The following THEMIS variants were observed in gnomAD, a reference collection of about 807,000 sequenced individuals.
THEMIS encodes protein THEMIS.
A neutral mutation model predicts 52.6 loss-of-function variants in THEMIS; 37 were observed. The ratio of observed to expected loss-of-function variants is 0.70; its 90% CI spans 0.54 to 0.93. The LOEUF is 0.93. Ranked by LOEUF, THEMIS falls within the 40% of genes least tolerant of loss-of-function variation. The pLI, the probability that THEMIS is intolerant of heterozygous loss-of-function variation, is 0.00. For synonymous variants in THEMIS, 292 were observed against 272.7 expected (o/e 1.07, Z -0.70); for missense variants, 808 against 763.1 (o/e 1.06, Z -0.69).
At chr6:127,912,568 T>C (rs1250734291) in intron 1 of THEMIS, among the ~76,000 whole-genome samples, 2 of 152,180 alleles carry the variant, frequency 1.3e-5, no homozygotes, top group Non-Finnish European at 2.9e-5. Context: ...AGTTACCTTG[T>C]TATTTCCAAG....
intron 4 of THEMIS, among the ~76,000 whole-genome samples, chr6:127,740,891 T>A (rs1177345014): frequency 1.3e-5 from 2 of 152,148 alleles, no homozygotes; most frequent in Admixed American, 1.3e-4. Flanking sequence ...GCTCTAAAAT[T>A]CAAAAAGCTT....
chr6:127,838,680 T>C (rs950849419), intron 2 of THEMIS, among the ~76,000 whole-genome samples: 3 of 152,130 alleles, frequency 2.0e-5, no homozygotes, highest in Non-Finnish European at 4.4e-5. Flanking sequence ...TGCTATGGTA[T>C]AATGTTGATG....
At chr6:127,728,791 T>A (rs1216449157) in intron 4 of THEMIS, among the ~76,000 whole-genome samples, 3 of 151,894 alleles carry the variant, frequency 2.0e-5, no homozygotes, top group Non-Finnish European at 2.9e-5. Flanking sequence ...TAGAATGAGT[T>A]CAATGGAAAA....
intron 4 of THEMIS, among the ~76,000 whole-genome samples, chr6:127,776,870 G>T (rs1776583598): frequency 6.6e-6 from 1 of 152,012 alleles, no homozygotes; most frequent in African/African-American, 2.4e-5. Context: ...ACACATATAA[G>T]AAATGTGATA....
chr6:127,705,114 T>C (rs1773782540), downstream of THEMIS, among the ~76,000 whole-genome samples: 1 of 152,184 alleles, frequency 6.6e-6, no homozygotes, highest in Non-Finnish European at 1.5e-5. Context: ...ACTTAGCTGG[T>C]TAGTCAAATA....
chr6:127,860,371 T>A (rs1779755750), intron 1 of THEMIS, among the ~76,000 whole-genome samples: 1 of 152,098 alleles, frequency 6.6e-6, no homozygotes, highest in Non-Finnish European at 1.5e-5. Context: ...TAGGAAATGA[T>A]CTTTCCAGGC....
At chr6:127,770,824 A>G (rs906402182) in intron 4 of THEMIS, among the ~76,000 whole-genome samples, 1 of 152,192 alleles carries the variant, frequency 6.6e-6, no homozygotes, top group Non-Finnish European at 1.5e-5. Flanking sequence ...ATCCAGTTTC[A>G]GCTTTCTCCA....
intron 2 of THEMIS, among the ~76,000 whole-genome samples, chr6:127,850,826 C>T (rs1395488242): frequency 1.3e-5 from 2 of 151,530 alleles, no homozygotes; most frequent in African/African-American, 2.4e-5. Context: ...TCTCAGAAAT[C>T]ACCACTAAAG....
chr6:127,750,108 A>C (rs1775585063), intron 4 of THEMIS, among the ~76,000 whole-genome samples: 1 of 150,500 alleles, frequency 6.6e-6, no homozygotes, highest in Non-Finnish European at 1.5e-5. Flanking sequence ...GCATTATCAC[A>C]CCTCTGTGCA....
chr6:127,765,735 C>G (rs957401679), intron 4 of THEMIS, among the ~76,000 whole-genome samples: 5 of 151,980 alleles, frequency 3.3e-5, no homozygotes, highest in African/African-American at 1.2e-4. Context: ...GTATTCAGTA[C>G]AATAACATAA....
intron 5 of THEMIS, among the ~76,000 whole-genome samples, chr6:127,717,092 C>T (rs1774193962): frequency 6.6e-6 from 1 of 151,858 alleles, no homozygotes; most frequent in Admixed American, 6.6e-5. Flanking sequence ...ACAAAGTTTT[C>T]CTTAGCAATC....
rs569483433 is a variant in THEMIS, at chr6:127,908,830, C to T, written c.-149-7749G>A. On this transcript the variant is annotated intron_variant, in intron 1 of 6. Transcript: ENST00000368250. ...TCTCTTTTTTTTTCACATTTGTTATCTCTTATAACTGAGAGAAACTCAAAG... is the reference window on the plus strand; with the variant it reads ...TCTCTTTTTTTTTCACATTTGTTATTTCTTATAACTGAGAGAAACTCAAAG... 1.6e-3 allele frequency among the ~76,000 whole-genome samples: 245 copies of T among 151,740 alleles called. 1 individual carries two copies. The highest frequency in any genetic ancestry group is 6.8e-3 in the Middle Eastern group (2 of 294).
At chr6:127,801,221 C>T (rs995811484) in intron 4 of THEMIS, among the ~76,000 whole-genome samples, 5 of 152,106 alleles carry the variant, frequency 3.3e-5, no homozygotes, top group South Asian at 4.1e-4. Context: ...TTTGACCATA[C>T]GTAGAGAATA....
intron 4 of THEMIS, among the ~76,000 whole-genome samples, chr6:127,775,053 G>A (rs1776514772): frequency 6.6e-6 from 1 of 152,144 alleles, no homozygotes; most frequent in South Asian, 2.1e-4. Flanking sequence ...AGATCCAGTA[G>A]GAACAAGCTA....
At chr6:127,723,135 A>G (rs1464020028) in intron 4 of THEMIS, among the ~76,000 whole-genome samples, 1 of 151,978 alleles carries the variant, frequency 6.6e-6, no homozygotes, top group Non-Finnish European at 1.5e-5. Context: ...TGCCAAGGCT[A>G]TTTGTGGACC....
At chr6:127,841,727 A>AC (rs1300803797) in intron 2 of THEMIS, among the ~76,000 whole-genome samples, 1 of 151,622 alleles carries the variant, frequency 6.6e-6, no homozygotes, top group African/African-American at 2.4e-5. Context: ...AGAGAAAAAA[A>AC]AATAGACCAA....
intron 1 of THEMIS, among the ~76,000 whole-genome samples, chr6:127,867,624 G>C (rs1330665865): frequency 2.0e-5 from 3 of 152,038 alleles, no homozygotes; most frequent in Non-Finnish European, 4.4e-5. Context: ...GCCACATTAA[G>C]ATTCAAGAAA....
At chr6:127,800,094 G>T (rs910919818) in intron 4 of THEMIS, among the ~76,000 whole-genome samples, 7 of 152,120 alleles carry the variant, frequency 4.6e-5, no homozygotes, top group African/African-American at 1.7e-4. Flanking sequence ...GTTATCCATT[G>T]TTGATGAGCT....
intron 2 of THEMIS, among the ~76,000 whole-genome samples, chr6:127,837,016 G>A (rs1354470815): frequency 1.3e-5 from 2 of 152,124 alleles, no homozygotes; most frequent in African/African-American, 2.4e-5. Flanking sequence ...AGCATTTGGA[G>A]CTGCTATTGT....
Sources: allele counts gnomAD v4.1 joint callset (sites outside exome capture counted in the v4.1 genomes callset), GRCh38; gene constraint gnomAD v4.1.1; transcripts MANE v1.5; gene names NCBI Gene and HGNC (gene_info 2026-07-23, HGNC 2026-07-21).